The following SCN1A variants were observed in gnomAD, a reference collection of about 807,000 sequenced individuals.
The protein encoded by SCN1A is sodium channel protein type 1 subunit alpha.
A neutral mutation model predicts 193.7 loss-of-function variants in SCN1A; 13 were observed. That is an observed-to-expected ratio of 0.07 (90% confidence interval 0.04 to 0.11). The LOEUF (loss-of-function observed/expected upper bound fraction) is 0.11. Among genes scored for constraint, SCN1A ranks in the 10% least tolerant of loss-of-function variants. SCN1A has a pLI of 1.00. For synonymous variants in SCN1A, 781 were observed against 843.6 expected (o/e 0.93, Z 1.29); for missense variants, 1,432 against 2,451.1 (o/e 0.58, Z 8.78).
At chr2:166,107,156 G>A (rs998865401) in intron 2 of SCN1A, among the ~76,000 whole-genome samples, 1 of 152,032 alleles carries the variant, frequency 6.6e-6, no homozygotes, top group Admixed American at 6.6e-5. Flanking sequence ...TCATCCACTA[G>A]CACTTTTCTG....
intron 26 of SCN1A, among the ~76,000 whole-genome samples, chr2:165,997,670 T>C (rs1167911009): frequency 2.6e-5 from 4 of 151,364 alleles, no homozygotes; most frequent in Non-Finnish European, 5.9e-5. Flanking sequence ...TTGGAAAATA[T>C]ATTTTCAAGG....
chr2:166,127,330 G>A (rs984823396), intron 1 of SCN1A, among the ~76,000 whole-genome samples: 10 of 152,160 alleles, frequency 6.6e-5, no homozygotes, highest in African/African-American at 2.2e-4. Flanking sequence ...CTTTCTTCCT[G>A]TGGAGTTAAA....
At chr2:166,005,856 T>C (rs1691580921) in intron 23 of SCN1A, among the ~76,000 whole-genome samples, 1 of 151,390 alleles carries the variant, frequency 6.6e-6, no homozygotes, top group Admixed American at 6.6e-5. Flanking sequence ...AAAGGAAATG[T>C]CTGAGAAAGG....
rs909139939 is a variant in SCN1A at position 165,987,088 on chromosome 2, C to A, written c.*4157G>T. ...CATAGTTCTTTGACCTCATGGAATT[C>A]TTTAGCCTTTCTTTGTCTTTCATGA... is the stretch of plus-strand genomic sequence containing the variant. On this transcript the variant is annotated 3_prime_UTR_variant, in exon 29 of 29. Coordinates refer to ENST00000674923, the MANE Select transcript of SCN1A (RefSeq NM_001165963.4). 2.0e-5 allele frequency: 3 copies of A among 152,124 alleles called. No individual in the cohort carries two copies. Among genetic ancestry groups the A allele is most frequent in the Admixed American group, 2.0e-4 (3 of 15,270 alleles). The allele number at this position is 152,124 out of a possible 1,614,324, so 9.4% of individuals were successfully genotyped here.
chr2:166,000,895 G>GTTTTTTT (rs35503358), intron 24 of SCN1A, among the ~76,000 whole-genome samples: 1 of 139,554 alleles, frequency 7.2e-6, no homozygotes, highest in Non-Finnish European at 1.6e-5. Context: ...ATTTTAGAGG[G>GTTTTTTT]TTTTTTTTTT....
At chr2:166,102,466 A>C (rs1688196844) in intron 2 of SCN1A, among the ~76,000 whole-genome samples, 1 of 150,100 alleles carries the variant, frequency 6.7e-6, no homozygotes, top group Non-Finnish European at 1.5e-5. Context: ...ACAGCACTCC[A>C]TTCCAGCCTG....
At chr2:166,046,035 T>C (rs983558814) in intron 12 of SCN1A, among the ~76,000 whole-genome samples, 1 of 152,328 alleles carries the variant, frequency 6.6e-6, no homozygotes, top group East Asian at 1.9e-4. Flanking sequence ...GACACTTTTT[T>C]ATTATTATCA....
intron 19 of SCN1A, among the ~76,000 whole-genome samples, chr2:166,024,199 G>A (rs1010907637): frequency 7.2e-5 from 11 of 151,954 alleles, no homozygotes; most frequent in South Asian, 2.1e-4. Context: ...GCACTCTGGC[G>A]TGGATGACCG....
chr2:166,033,383 C>T (rs1057123947), intron 19 of SCN1A, among the ~76,000 whole-genome samples: 1 of 152,108 alleles, frequency 6.6e-6, no homozygotes, highest in Non-Finnish European at 1.5e-5. Flanking sequence ...CAGGACTTCT[C>T]CCTCTGACAT....
chr2:166,026,814 G>C (rs1283868160), intron 19 of SCN1A, among the ~76,000 whole-genome samples: 1 of 150,708 alleles, frequency 6.6e-6, no homozygotes, highest in Non-Finnish European at 1.5e-5. Context: ...CTCCCAAGTA[G>C]CTGGGACTAC....
chr2:166,030,315 A>G (rs972528603), intron 19 of SCN1A, among the ~76,000 whole-genome samples: 1 of 152,118 alleles, frequency 6.6e-6, no homozygotes, highest in African/African-American at 2.4e-5. Context: ...CTTACGGCAT[A>G]AAGACTGAAT....
chr2:166,012,384 G>A, intron 21 of SCN1A, 102 bp from the exon 22 acceptor site: 1 of 904,972 alleles, frequency 1.1e-6, no homozygotes, highest in South Asian at 1.6e-5. Context: ...ATTGGAATAG[G>A]AGGGCAGAGA....
At chr2:166,114,283 A>G (rs574651094) in intron 2 of SCN1A, among the ~76,000 whole-genome samples, 1 of 152,198 alleles carries the variant, frequency 6.6e-6, no homozygotes, top group Non-Finnish European at 1.5e-5. Context: ...TTCTGAAAGC[A>G]GGAAAACATC....
intron 1 of SCN1A, among the ~76,000 whole-genome samples, chr2:166,148,599 T>C (rs182727485): frequency 1.2e-4 from 18 of 152,266 alleles, no homozygotes; most frequent in Admixed American, 9.8e-4. Context: ...AACTGCCAGT[T>C]TATTCTTATA....
chr2:166,113,874 A>G (rs1053515260), intron 2 of SCN1A, among the ~76,000 whole-genome samples: 1 of 152,184 alleles, frequency 6.6e-6, no homozygotes, highest in Admixed American at 6.5e-5. Context: ...ATATACAAAA[A>G]TTTTTAAAAT....
intron 25 of SCN1A, 133 bp from the exon 26 acceptor site, chr2:165,998,308 T>A: frequency 1.5e-6 from 1 of 678,302 alleles, no homozygotes; most frequent in Non-Finnish European, 2.4e-6. Context: ...CTGAATCAAC[T>A]ACCTCTAAAA....
chr2:166,133,533 A>G (rs1246442084), intron 1 of SCN1A, among the ~76,000 whole-genome samples: 1 of 152,138 alleles, frequency 6.6e-6, no homozygotes, highest in African/African-American at 2.4e-5. Context: ...ACTTTTTATC[A>G]CTTGATGTAA....
chr2:166,007,644 A>G (rs1445180465), intron 23 of SCN1A, among the ~76,000 whole-genome samples: 1 of 151,364 alleles, frequency 6.6e-6, no homozygotes, highest in Non-Finnish European at 1.5e-5. Flanking sequence ...ATGATAATTT[A>G]TTTGTTACTT....
rs1688660744 is a variant in SCN1A, at chr2:165,987,133, T to A, written c.*4112A>T. 6.6e-6 allele frequency: 1 copy of A among 152,112 alleles called. No homozygotes were observed. Among genetic ancestry groups the A allele is most frequent in the Non-Finnish European group, 1.5e-5 (1 of 68,002 alleles). 9.4% of individuals were successfully genotyped at this position (152,112 alleles called of 1,614,324 possible). On this transcript the variant is annotated 3_prime_UTR_variant, in exon 29 of 29. Transcript: ENST00000674923. ...TCATGACATTGACATTTTTAAGGAG[T>A]TCAGTCCACTTATTTTATAGAGTGT...
Sources: gnomAD v4.1 joint callset for allele counts (sites outside exome capture counted in the v4.1 genomes callset) on GRCh38, gnomAD v4.1.1 for gene constraint, MANE v1.5 for transcripts, NCBI Gene and HGNC (gene_info 2026-07-23, HGNC 2026-07-21) for gene names.